The following PTPRM variants were observed in gnomAD, a reference collection of about 807,000 sequenced individuals.
PTPRM encodes receptor-type tyrosine-protein phosphatase mu.
A neutral mutation model predicts 186.7 loss-of-function variants in PTPRM; 47 were observed. The ratio of observed to expected loss-of-function variants is 0.25; its 90% CI spans 0.20 to 0.32. The LOEUF is 0.32. Ranked by LOEUF, PTPRM falls within the 10% of genes least tolerant of loss-of-function variation. The pLI is 1.00. For missense variants in PTPRM, 1,494 were observed against 1,865.0 expected, an observed-to-expected ratio of 0.80 and a Z score of 3.66; for synonymous variants, 668 against 674.9, an observed-to-expected ratio of 0.99 and a Z score of 0.16.
At chr18:7,964,655 G>A (rs941049719) in intron 7 of PTPRM, among the ~76,000 whole-genome samples, 3 of 152,174 alleles carry the variant, frequency 2.0e-5, no homozygotes, top group South Asian at 4.1e-4. Flanking sequence ...ACACTCCTAT[G>A]GTGAAATCTT....
intron 5 of PTPRM, among the ~76,000 whole-genome samples, chr18:7,931,698 T>C (rs1436834075): frequency 6.6e-6 from 1 of 152,178 alleles, no homozygotes; most frequent in Non-Finnish European, 1.5e-5. Flanking sequence ...TAAAAATAAA[T>C]AAATAATTTT....
intron 1 of PTPRM, among the ~76,000 whole-genome samples, chr18:7,675,385 TG>T (rs2039310420): frequency 6.6e-6 from 1 of 152,144 alleles, no homozygotes; most frequent in Non-Finnish European, 1.5e-5. Flanking sequence ...ACATCCGCTG[TG>T]CGAGAGCCCT....
At chr18:8,150,607 G>A (rs187668844) in intron 14 of PTPRM, among the ~76,000 whole-genome samples, 41 of 152,178 alleles carry the variant, frequency 2.7e-4, no homozygotes, top group African/African-American at 9.9e-4. Context: ...CCTTTAGCTT[G>A]GAGGAGTTTG....
At chr18:7,577,025 A>C (rs2143431165) in intron 1 of PTPRM, among the ~76,000 whole-genome samples, 1 of 152,330 alleles carries the variant, frequency 6.6e-6, no homozygotes, top group South Asian at 2.1e-4. Context: ...ATGAAGAAAC[A>C]ATTTAAAGAA....
chr18:7,923,996 A>G (rs1471497152), intron 4 of PTPRM, among the ~76,000 whole-genome samples: 1 of 152,218 alleles, frequency 6.6e-6, no homozygotes, highest in Non-Finnish European at 1.5e-5. Context: ...TATAAAAGAG[A>G]GCGAATTTAG....
Position 8,384,829 on chromosome 18 carries a change from C to G in PTPRM, c.4044+143C>G, listed in dbSNP as rs7240621. On this transcript the variant is annotated intron_variant, in intron 30 of 32. Coordinates refer to ENST00000580170, the MANE Select transcript of PTPRM (RefSeq NM_001105244.2). The stretch of plus-strand genomic sequence containing the variant: ...GAACCAAAAAAACATAGATTCCTGA[C>G]CTTATGGAGCTTACATTCTAATAGG... 8,354 of 1,012,558 alleles carry G rather than the reference C, an allele frequency of 8.3e-3. 339 individuals carry two copies. In the African/African-American group the frequency reaches 0.1, roughly 13 times the overall value. 62.7% of individuals were successfully genotyped at this position (1,012,558 alleles called of 1,614,324 possible). A position where few individuals can be genotyped will look rare whatever the true frequency, so the allele number is the denominator to read the frequency against.
At chr18:7,830,662 A>G (rs1171381039) in intron 2 of PTPRM, among the ~76,000 whole-genome samples, 1 of 152,052 alleles carries the variant, frequency 6.6e-6, no homozygotes, top group East Asian at 1.9e-4. Flanking sequence ...CTAGGAGGAG[A>G]TATGTTCTAT....
chr18:7,763,528 G>C (rs989669064), intron 1 of PTPRM, among the ~76,000 whole-genome samples: 8 of 152,122 alleles, frequency 5.3e-5, no homozygotes, highest in African/African-American at 1.7e-4. Flanking sequence ...AGGACTCTCT[G>C]TATCTCAGTT....
intron 2 of PTPRM, among the ~76,000 whole-genome samples, chr18:7,806,065 G>T (rs147759806): frequency 2.9e-4 from 44 of 152,334 alleles, no homozygotes; most frequent in African/African-American, 1.0e-3. Flanking sequence ...TGCCAGCCTA[G>T]TGGCATACCA....
intron 5 of PTPRM, among the ~76,000 whole-genome samples, chr18:7,944,427 C>T (rs2052384386): frequency 6.6e-6 from 1 of 152,206 alleles, no homozygotes; most frequent in Non-Finnish European, 1.5e-5. Flanking sequence ...CACCGTATCT[C>T]CTCCAGTCCA....
At chr18:8,192,510 T>G (rs1202243727) in intron 14 of PTPRM, among the ~76,000 whole-genome samples, 2 of 152,188 alleles carry the variant, frequency 1.3e-5, no homozygotes, top group African/African-American at 4.8e-5. Context: ...ACAGGCCAAA[T>G]TTGGGACAAT....
intron 14 of PTPRM, among the ~76,000 whole-genome samples, chr18:8,219,787 A>G (rs1446765513): frequency 6.6e-6 from 1 of 152,230 alleles, no homozygotes; most frequent in Admixed American, 6.5e-5. Flanking sequence ...TAAGATAAGC[A>G]TGCTATGTCA....
intron 1 of PTPRM, among the ~76,000 whole-genome samples, chr18:7,605,077 C>G (rs551894202): frequency 6.6e-6 from 1 of 152,154 alleles, no homozygotes; most frequent in Admixed American, 6.5e-5. Context: ...AGTTTAATCT[C>G]TGGCAGGGAT....
chr18:8,230,906 G>T (rs1033533143), intron 14 of PTPRM, among the ~76,000 whole-genome samples: 1 of 152,042 alleles, frequency 6.6e-6, no homozygotes, highest in African/African-American at 2.4e-5. Context: ...TATATGCATT[G>T]TTTGACTAAA....
At chr18:7,985,080 TA>T (rs1429706164) in intron 7 of PTPRM, among the ~76,000 whole-genome samples, 1 of 128,646 alleles carries the variant, frequency 7.8e-6, no homozygotes, top group Non-Finnish European at 1.5e-5. Flanking sequence ...TATACATATA[TA>T]AATATATACA....
At chr18:7,931,402 A>G (rs547074629) in intron 5 of PTPRM, among the ~76,000 whole-genome samples, 3 of 152,174 alleles carry the variant, frequency 2.0e-5, no homozygotes, top group African/African-American at 7.2e-5. Context: ...GTACACTTTT[A>G]TACTTTTGAA....
intron 14 of PTPRM, among the ~76,000 whole-genome samples, chr18:8,228,623 C>T (rs370208471): frequency 9.1e-4 from 136 of 149,522 alleles, no homozygotes; most frequent in African/African-American, 3.2e-3. Flanking sequence ...AGGTGGATCA[C>T]GAGGTCAGGA....
At chr18:8,120,007 T>G (rs751165951) in intron 13 of PTPRM, among the ~76,000 whole-genome samples, 38 of 152,156 alleles carry the variant, frequency 2.5e-4, no homozygotes, top group Non-Finnish European at 4.9e-4. Flanking sequence ...ATATTTTAAG[T>G]TAGAGGTCAG....
At chr18:7,723,318 A>G (rs1199128958) in intron 1 of PTPRM, among the ~76,000 whole-genome samples, 1 of 152,206 alleles carries the variant, frequency 6.6e-6, no homozygotes, top group Non-Finnish European at 1.5e-5. Flanking sequence ...ACTCATGCAA[A>G]ATAATAATTA....
Sources: gnomAD v4.1 joint callset for allele counts (sites outside exome capture counted in the v4.1 genomes callset) on GRCh38, gnomAD v4.1.1 for gene constraint, MANE v1.5 for transcripts, NCBI Gene and HGNC (gene_info 2026-07-23, HGNC 2026-07-21) for gene names.